The following SCNN1B variants were observed in gnomAD, a reference collection of about 807,000 sequenced individuals.
SCNN1B encodes epithelial sodium channel subunit beta.
Under a neutral mutation model 65.3 loss-of-function variants are expected in SCNN1B, and 46 were observed. The ratio of observed to expected loss-of-function variants is 0.70; its 90% CI spans 0.56 to 0.90. The LOEUF (loss-of-function observed/expected upper bound fraction) is 0.90, where lower values mean the gene tolerates loss of function less well. SCNN1B is among the 40% of genes least tolerant of loss of function. The pLI is 0.00. For missense variants in SCNN1B, 751 were observed against 830.5 expected, an observed-to-expected ratio of 0.90 and a Z score of 1.18; for synonymous variants, 349 against 330.6, an observed-to-expected ratio of 1.06 and a Z score of -0.60.
intron 1 of SCNN1B, among the ~76,000 whole-genome samples, chr16:23,329,619 C>G (rs751436759): frequency 2.0e-5 from 3 of 152,202 alleles, no homozygotes; most frequent in Non-Finnish European, 4.4e-5. Flanking sequence ...TACCATGTAG[C>G]TTGTGCAGGG....
At chr16:23,358,335 G>A (rs905233383) in intron 4 of SCNN1B, 1 of 152,182 alleles carries the variant, frequency 6.6e-6, no homozygotes, top group Non-Finnish European at 1.5e-5. Flanking sequence ...TGTGCGAGGG[G>A]TAGGGGGTAA....
At chr16:23,365,543 G>GATAA (rs1962636277) in intron 4 of SCNN1B, among the ~76,000 whole-genome samples, 1 of 108,072 alleles carries the variant, frequency 9.3e-6, no homozygotes, top group African/African-American at 5.1e-5. Flanking sequence ...GAGAAGGAAA[G>GATAA]AGAAAGAAGG....
At chr16:23,319,337 C>A (rs1017759490) in intron 1 of SCNN1B, among the ~76,000 whole-genome samples, 1 of 152,150 alleles carries the variant, frequency 6.6e-6, no homozygotes, top group African/African-American at 2.4e-5. Flanking sequence ...TGAGCCACTG[C>A]GCCCAGCCCA....
chr16:23,313,984 G>C, intron 1 of SCNN1B, among the ~76,000 whole-genome samples: 1 of 151,898 alleles, frequency 6.6e-6, no homozygotes, highest in East Asian at 1.9e-4. Flanking sequence ...ACCATATGGG[G>C]GTAGGTACAG....
Position 23,348,428 on chromosome 16 carries a change from A to G in SCNN1B, c.-8-164A>G, listed in dbSNP as rs1487011246. On this transcript the variant is annotated intron_variant, in intron 1 of 12. Transcript: ENST00000343070. This position sits in a 1 kb window ranked among gnomAD's most constrained non-coding sequence, Gnocchi z 4.5. ...ATGGATGGATTGATGACAGATAGCC[A>G]AAGGAAGGAAGAAAAGAAGGAAAAA... is the stretch of plus-strand genomic sequence containing the variant. 7.0e-6 allele frequency among the ~76,000 whole-genome samples: 1 copy of G among 142,388 alleles called. No individual in the cohort carries two copies. The highest frequency in any genetic ancestry group is 1.5e-5 in the Non-Finnish European group (1 of 65,534). The allele number at this position is 142,388 out of a possible 152,430, so 93.4% of individuals were successfully genotyped here. A position where few individuals can be genotyped will look rare whatever the true frequency, so the allele number is the denominator to read the frequency against.
intron 1 of SCNN1B, among the ~76,000 whole-genome samples, chr16:23,333,861 C>A (rs1961880360): frequency 6.6e-6 from 1 of 152,112 alleles, no homozygotes; most frequent in Non-Finnish European, 1.5e-5. Flanking sequence ...GAGAGACCAA[C>A]CTATTTACGT....
At chr16:23,293,038 C>T (rs922024764) in intron 2 of SCNN1B, among the ~76,000 whole-genome samples, 3 of 142,240 alleles carry the variant, frequency 2.1e-5, no homozygotes, top group African/African-American at 8.0e-5. Context: ...TTGCTTGAAC[C>T]CGGGAGGTGA....
upstream of SCNN1B, among the ~76,000 whole-genome samples, chr16:23,297,388 C>G (rs913409040): frequency 6.6e-6 from 1 of 152,176 alleles, no homozygotes; most frequent in African/African-American, 2.4e-5. Flanking sequence ...CAGAATCGGC[C>G]AGGAGTCTTT....
At chr16:23,349,255 A>T (rs1177740383) in intron 2 of SCNN1B, among the ~76,000 whole-genome samples, 3 of 152,156 alleles carry the variant, frequency 2.0e-5, no homozygotes, top group African/African-American at 7.2e-5. Context: ...AGACAGAAGG[A>T]TCCCTTGAGG....
intron 1 of SCNN1B, among the ~76,000 whole-genome samples, chr16:23,336,525 C>G (rs1041775501): frequency 5.3e-5 from 8 of 152,144 alleles, no homozygotes; most frequent in Admixed American, 1.3e-4. Context: ...ATGCGTGCCA[C>G]CATGCCCAGC....
intron 1 of SCNN1B, among the ~76,000 whole-genome samples, chr16:23,317,201 A>G (rs1961490560): frequency 6.6e-6 from 1 of 152,230 alleles, no homozygotes. Context: ...GGTGATGATC[A>G]CAGTTCCTCC....
intron 4 of SCNN1B, among the ~76,000 whole-genome samples, chr16:23,362,173 C>G (rs1294107041): frequency 6.6e-6 from 1 of 151,722 alleles, no homozygotes; most frequent in Non-Finnish European, 1.5e-5. Flanking sequence ...GGCAAAACCC[C>G]ATCTCTACTA....
intron 4 of SCNN1B, among the ~76,000 whole-genome samples, chr16:23,360,573 T>G (rs1322964263): frequency 6.8e-6 from 1 of 147,790 alleles, no homozygotes; most frequent in African/African-American, 2.5e-5. Context: ...AGAGACTTTG[T>G]TGTTGGTGGT....
upstream of SCNN1B, among the ~76,000 whole-genome samples, chr16:23,300,704 A>C (rs145687035): frequency 8.9e-3 from 1,355 of 152,234 alleles, 9 homozygotes; most frequent in Non-Finnish European, 0.015. Flanking sequence ...AGCCGGAAGC[A>C]GTGGCACACA....
At chr16:23,294,302 C>T (rs1226127891) in intron 2 of SCNN1B, among the ~76,000 whole-genome samples, 2 of 152,132 alleles carry the variant, frequency 1.3e-5, no homozygotes, top group Non-Finnish European at 2.9e-5. Flanking sequence ...GAGGCTGAGA[C>T]ACGAGAATCA....
upstream of SCNN1B, among the ~76,000 whole-genome samples, chr16:23,298,420 T>C (rs1961027505): frequency 6.6e-6 from 1 of 152,148 alleles, no homozygotes; most frequent in East Asian, 1.9e-4. Flanking sequence ...GCAGTCATAT[T>C]TATACCCACT....
intron 7 of SCNN1B, 108 bp from the exon 8 acceptor site, chr16:23,375,630 T>G: frequency 1.2e-6 from 1 of 828,578 alleles, no homozygotes; most frequent in Admixed American, 1.7e-5. Context: ...CCAGCTCACC[T>G]ACCTCCCTTA....
chr16:23,354,520 C>T (rs190274638), intron 3 of SCNN1B, among the ~76,000 whole-genome samples: 13 of 152,362 alleles, frequency 8.5e-5, no homozygotes, highest in Admixed American at 1.3e-4. Flanking sequence ...CATGAGAAGC[C>T]GGATGTGACC....
At chr16:23,377,059 C>T in intron 8 of SCNN1B, 106 bp from the exon 9 acceptor site, 1 of 1,001,730 alleles carries the variant, frequency 1.0e-6, no homozygotes, top group Non-Finnish European at 1.5e-6. Context: ...TGCCACCTAA[C>T]CACAGGGCCA....
Sources: gnomAD v4.1 joint callset for allele counts (sites outside exome capture counted in the v4.1 genomes callset) on GRCh38, gnomAD v4.1.1 for gene constraint, Gnocchi (gnomAD v3.1) non-coding constraint, MANE v1.5 for transcripts, NCBI Gene and HGNC (gene_info 2026-07-23, HGNC 2026-07-21) for gene names.